BNC2: variants seen among roughly 807,000 people sequenced by gnomAD.
BNC2 encodes zinc finger protein basonuclin-2.
In BNC2, 20 loss-of-function variants were observed where a neutral mutation model predicts 76.3. The observed-to-expected ratio is 0.26, with a 90% CI of 0.18 to 0.38. The LOEUF is 0.38. Among genes scored for constraint, BNC2 ranks in the 10% least tolerant of loss-of-function variants. The probability of loss-of-function intolerance (pLI) is 1.00; values close to 1 mark genes in which losing one functional copy is unlikely to be tolerated. For missense variants in BNC2, 1,382 were observed against 1,399.8 expected (o/e 0.99, Z 0.20); for synonymous variants, 582 against 514.8 (o/e 1.13, Z -1.77).
At chr9:16,795,150 T>C (rs141990061) in intron 1 of BNC2, among the ~76,000 whole-genome samples, 11 of 152,104 alleles carry the variant, frequency 7.2e-5, no homozygotes, top group African/African-American at 1.7e-4. Flanking sequence ...CTGACTAGAG[T>C]TGAAAACAGG....
chr9:16,442,866 GA>G (rs1409970912), intron 5 of BNC2, among the ~76,000 whole-genome samples: 11 of 152,124 alleles, frequency 7.2e-5, no homozygotes, highest in African/African-American at 2.6e-4. Flanking sequence ...AGCAGTTTGG[GA>G]GGCAGAGGCA....
chr9:16,483,939 A>G (rs1822110073), intron 5 of BNC2, among the ~76,000 whole-genome samples: 1 of 152,188 alleles, frequency 6.6e-6, no homozygotes, highest in Admixed American at 6.5e-5. Flanking sequence ...TCTATACGCC[A>G]TGGGTACTTA....
intron 3 of BNC2, among the ~76,000 whole-genome samples, chr9:16,714,748 T>C (rs1163949501): frequency 1.3e-5 from 2 of 152,224 alleles, no homozygotes; most frequent in Non-Finnish European, 2.9e-5. Context: ...CAGGATGTTC[T>C]TGTTTCCTTT....
At chr9:16,656,068 A>G (rs547951218) in intron 3 of BNC2, among the ~76,000 whole-genome samples, 64 of 152,330 alleles carry the variant, frequency 4.2e-4, no homozygotes, top group Non-Finnish European at 7.5e-4. Flanking sequence ...GGTTGTCACA[A>G]CTGAGTGTGG....
chr9:16,506,723 A>C (rs1822636855), intron 5 of BNC2, among the ~76,000 whole-genome samples: 1 of 147,848 alleles, frequency 6.8e-6, no homozygotes, highest in African/African-American at 2.5e-5. Flanking sequence ...ACGGGGTTTC[A>C]CCATGTTGGC....
chr9:16,811,237 A>AAAAAAAAAAAAAAACC (rs796981394), intron 1 of BNC2, among the ~76,000 whole-genome samples: 1 of 145,248 alleles, frequency 6.9e-6, no homozygotes, highest in African/African-American at 2.7e-5. Context: ...GACCAAAAAA[A>AAAAAAAAAAAAAAACC]AAAAAAACCA....
intron 3 of BNC2, among the ~76,000 whole-genome samples, chr9:16,640,632 CTG>C (rs1821465963): frequency 6.6e-6 from 1 of 152,258 alleles, no homozygotes; most frequent in African/African-American, 2.4e-5. Context: ...ATGCAAGAAA[CTG>C]TGAGGGATGG....
chr9:16,526,727 T>C (rs1458682583), intron 5 of BNC2, among the ~76,000 whole-genome samples: 1 of 152,122 alleles, frequency 6.6e-6, no homozygotes, highest in Non-Finnish European at 1.5e-5. Context: ...GATATGTCAA[T>C]GGAAAGTGAG....
intron 1 of BNC2, among the ~76,000 whole-genome samples, chr9:16,782,712 C>T (rs1010351953): frequency 6.6e-6 from 1 of 152,134 alleles, no homozygotes; most frequent in Non-Finnish European, 1.5e-5. Context: ...TATCATAGTA[C>T]GTGGTACTGT....
chr9:16,830,589 C>G (rs1166394193), intron 1 of BNC2, among the ~76,000 whole-genome samples: 1 of 152,064 alleles, frequency 6.6e-6, no homozygotes, highest in Non-Finnish European at 1.5e-5. Flanking sequence ...AATCTGCGGG[C>G]GCAGAAACCA....
In BNC2 at chr9:16,583,207, G is replaced by C. The variant is rs1023229491; in HGVS notation, c.331-122C>G. 8 of 806,136 alleles carry C rather than the reference G, an allele frequency of 9.9e-6. No homozygotes were observed. The African/African-American group carries it at 1.0e-4, about 10-fold the overall frequency. 49.9% of individuals were successfully genotyped at this position (806,136 alleles called of 1,614,324 possible). A position where few individuals can be genotyped will look rare whatever the true frequency, so the allele number is the denominator to read the frequency against. ...GATTTTATGATGGTAGGGGCCTGGAGAGTTTTAAAAATAAATTTAGATATC... is the reference window on the plus strand; with the variant it reads ...GATTTTATGATGGTAGGGGCCTGGACAGTTTTAAAAATAAATTTAGATATC... On this transcript the variant is annotated intron_variant, in intron 3 of 6. Transcript: ENST00000380672.
intron 3 of BNC2, among the ~76,000 whole-genome samples, chr9:16,693,514 C>A (rs1401482617): frequency 1.6e-4 from 24 of 152,172 alleles, no homozygotes; most frequent in Admixed American, 1.6e-3. Context: ...AGTCCCTCAC[C>A]TGTGTTTACA....
rs1390165177 is a variant in BNC2 at position 16,522,084 on chromosome 9, G to A, written c.669+30446C>T. ...TGATTTTGGTGCATTGCATGCAGAT[G>A]TCAGGTATTTTAATAAAGAGCTCCA... On this transcript the variant is annotated intron_variant, in intron 5 of 6. Transcript: ENST00000380672. Among the ~76,000 whole-genome samples the A allele has an allele frequency of 3.3e-5, 5 of 152,098 alleles. No homozygotes were observed. The East Asian group carries it at 9.7e-4, about 29-fold the overall frequency.
At chr9:16,524,730 T>C (rs557848940) in intron 5 of BNC2, among the ~76,000 whole-genome samples, 1 of 152,256 alleles carries the variant, frequency 6.6e-6, no homozygotes, top group South Asian at 2.1e-4. Context: ...ACAACAACAT[T>C]TATTACCTTA....
chr9:16,672,331 A>C (rs1027304017), intron 3 of BNC2, among the ~76,000 whole-genome samples: 1 of 152,178 alleles, frequency 6.6e-6, no homozygotes, highest in African/African-American at 2.4e-5. Flanking sequence ...CCCCGTCTCT[A>C]CTAAAAATAC....
intron 3 of BNC2, among the ~76,000 whole-genome samples, chr9:16,683,862 G>A (rs1822896344): frequency 6.6e-6 from 1 of 152,158 alleles, no homozygotes; most frequent in Non-Finnish European, 1.5e-5. Context: ...TCTTTTAACA[G>A]ATTCAATCCT....
chr9:16,635,368 T>A (rs975890382), intron 3 of BNC2, among the ~76,000 whole-genome samples: 1 of 152,230 alleles, frequency 6.6e-6, no homozygotes, highest in Non-Finnish European at 1.5e-5. Context: ...TACTTTATAA[T>A]TTTATGTATT....
rs924927640 is a variant in BNC2 at position 16,550,406 on chromosome 9, C to T, written c.669+2124G>A. Among the ~76,000 whole-genome samples, 3 of 152,284 alleles carry T rather than the reference C, an allele frequency of 2.0e-5. No homozygotes were observed. The East Asian group carries it at 5.8e-4, about 29-fold the overall frequency. On this transcript the variant is annotated intron_variant, in intron 5 of 6. Transcript: ENST00000380672. ...CTCCCATACAAAGAAATACAGAGTA[C>T]ATTTACATTTTTTATACCTGCATTA...
intron 5 of BNC2, among the ~76,000 whole-genome samples, chr9:16,518,048 G>A (rs887603696): frequency 6.6e-6 from 1 of 152,154 alleles, no homozygotes; most frequent in African/African-American, 2.4e-5. Context: ...CTGGAAAGAA[G>A]GGACAATAGA....
Sources: gnomAD v4.1 joint callset for allele counts (sites outside exome capture counted in the v4.1 genomes callset) on GRCh38, gnomAD v4.1.1 for gene constraint, MANE v1.5 for transcripts, NCBI Gene and HGNC (gene_info 2026-07-23, HGNC 2026-07-21) for gene names.